PRKCH: variants seen among roughly 807,000 people sequenced by gnomAD.
PRKCH encodes the protein protein kinase C eta.
PRKCH carries 28 observed loss-of-function variants against 82.5 expected under a neutral mutation model. The observed-to-expected ratio is 0.34, with a 90% CI of 0.25 to 0.47. The LOEUF (loss-of-function observed/expected upper bound fraction) is 0.47, where lower values mean the gene tolerates loss of function less well. Ranked by LOEUF, PRKCH falls within the 20% of genes least tolerant of loss-of-function variation. The probability of loss-of-function intolerance (pLI) is 1.00; values close to 1 mark genes in which losing one functional copy is unlikely to be tolerated. For synonymous variants in PRKCH, 322 were observed against 327.4 expected (o/e 0.98, Z 0.18); for missense variants, 705 against 881.8 (o/e 0.80, Z 2.54).
Position 61,322,272 on chromosome 14 carries a change from C to G in PRKCH, c.171C>G (p.Thr57=), listed in dbSNP as rs755954492. ...TGGACCAGGTGCGCGTGGGCCAGAC[C>G]AGCACCAAGCAGAAGACCAACAAAC... is the stretch of plus-strand genomic sequence containing the variant. ...VSVDQVRVGQ[T]STKQKTNKPT... is the part of the protein sequence containing the mutation. Residue 57 remains threonine (T), a synonymous_variant, in exon 1 of 14, where the codon ACC becomes ACG. Transcript: ENST00000332981. 3.1e-6 allele frequency: 5 copies of G among 1,613,042 alleles called. No homozygotes were observed. Among genetic ancestry groups the G allele is most frequent in the Non-Finnish European group, 4.2e-6 (5 of 1,179,850 alleles).
chr14:61,238,106 A>G (rs2044806372), intron 1 of PRKCH, among the ~76,000 whole-genome samples: 1 of 152,250 alleles, frequency 6.6e-6, no homozygotes, highest in Non-Finnish European at 1.5e-5. Flanking sequence ...CTTTAGGCCA[A>G]ACTTAAACTA....
intron 1 of PRKCH, among the ~76,000 whole-genome samples, chr14:61,272,515 G>A (rs994192936): frequency 2.0e-4 from 30 of 151,622 alleles, no homozygotes; most frequent in Middle Eastern, 3.4e-3. Flanking sequence ...CACCACGGCC[G>A]GCTAGGTTTT....
intron 13 of PRKCH, 135 bp downstream of exon 13, chr14:61,548,021 T>A (rs1301359743): frequency 7.7e-6 from 9 of 1,166,244 alleles, no homozygotes; most frequent in Non-Finnish European, 1.1e-5. Flanking sequence ...CAGGGCAGCC[T>A]CCCCTGGGGG....
chr14:61,514,243 C>T (rs1035985557), intron 10 of PRKCH, among the ~76,000 whole-genome samples: 5 of 150,672 alleles, frequency 3.3e-5, no homozygotes, highest in African/African-American at 1.2e-4. Context: ...TCACTGTGTC[C>T]TGCAGTAGCC....
intron 2 of PRKCH, among the ~76,000 whole-genome samples, chr14:61,407,437 G>A (rs117015396): frequency 0.014 from 2,110 of 152,226 alleles, 35 homozygotes; most frequent in South Asian, 0.047. Context: ...AGAATTCATC[G>A]ACAAAGACTG....
At chr14:61,325,144 G>A (rs1325605967) in intron 1 of PRKCH, among the ~76,000 whole-genome samples, 1 of 152,228 alleles carries the variant, frequency 6.6e-6, no homozygotes, top group African/African-American at 2.4e-5. Flanking sequence ...GAAATGTAAA[G>A]TACTGAGACC....
intron 1 of PRKCH, among the ~76,000 whole-genome samples, chr14:61,243,084 GAA>G (rs11342939): frequency 6.6e-6 from 1 of 151,592 alleles, no homozygotes; most frequent in Non-Finnish European, 1.5e-5. Flanking sequence ...GAAGGCTTCT[GAA>G]AAAAAAAAAT....
intron 2 of PRKCH, among the ~76,000 whole-genome samples, chr14:61,404,309 C>A (rs1187178634): frequency 1.3e-5 from 2 of 152,122 alleles, no homozygotes; most frequent in African/African-American, 4.8e-5. Flanking sequence ...AAGAGACCAC[C>A]TTATATTTTG....
At chr14:61,446,477 A>G (rs1884231284) in intron 4 of PRKCH, among the ~76,000 whole-genome samples, 1 of 152,246 alleles carries the variant, frequency 6.6e-6, no homozygotes, top group African/African-American at 2.4e-5. Context: ...ATAGCACCAC[A>G]TATCCTAGAG....
At chr14:61,272,344 CTTTTTTTTTT>C (rs1162331604) in intron 1 of PRKCH, among the ~76,000 whole-genome samples, 1 of 23,582 alleles carries the variant, frequency 4.2e-5, no homozygotes, top group African/African-American at 1.3e-4. Flanking sequence ...TTTTTTCTTT[CTTTTTTTTTT>C]TTTTTTTTTT....
chr14:61,211,460 G>A (rs1034671346), intron 1 of PRKCH, among the ~76,000 whole-genome samples: 1 of 152,166 alleles, frequency 6.6e-6, no homozygotes, highest in African/African-American at 2.4e-5. Context: ...ACGTGTTCTT[G>A]TATAGCTTTT....
intron 1 of PRKCH, among the ~76,000 whole-genome samples, chr14:61,261,370 C>A (rs1325297917): frequency 6.6e-6 from 1 of 152,202 alleles, no homozygotes; most frequent in Non-Finnish European, 1.5e-5. Context: ...ATTGGGCAGG[C>A]ATTTCTCTTT....
chr14:61,320,848 CT>C (rs2140115417), upstream of PRKCH, among the ~76,000 whole-genome samples: 1 of 152,274 alleles, frequency 6.6e-6, no homozygotes, highest in African/African-American at 2.4e-5. Flanking sequence ...TGGGGACAGC[CT>C]GTGTGTGTGA....
chr14:61,401,730 C>T (rs917500019), intron 2 of PRKCH, among the ~76,000 whole-genome samples: 2 of 152,216 alleles, frequency 1.3e-5, no homozygotes, highest in Non-Finnish European at 2.9e-5. Flanking sequence ...TGACTATATA[C>T]CTTTGTAACA....
intron 9 of PRKCH, among the ~76,000 whole-genome samples, chr14:61,482,514 T>A (rs1353961394): frequency 6.6e-6 from 1 of 152,204 alleles, no homozygotes; most frequent in East Asian, 1.9e-4. Flanking sequence ...TGACGTTATT[T>A]GAGGTCTTTG....
intron 1 of PRKCH, among the ~76,000 whole-genome samples, chr14:61,315,905 G>A (rs983428677): frequency 1.6e-4 from 25 of 151,696 alleles, no homozygotes; most frequent in Non-Finnish European, 2.2e-4. Flanking sequence ...ATACCACCAC[G>A]CCCAGCTAAT....
At position 61,329,234 on chromosome 14, in the gene PRKCH, C is replaced by CT. The variant is rs71117812; in HGVS notation, c.363+6790dup. On this transcript the variant is annotated intron_variant, in intron 1 of 13. Transcript: ENST00000332981. ...ACTGCTCTTAGATAAACTCCTGAGTCTTTTTTTTTTTTTTTTTTTTGAGAC... is the reference window on the plus strand; with the variant it reads ...ACTGCTCTTAGATAAACTCCTGAGTCTTTTTTTTTTTTTTTTTTTTTGAGAC... Among the ~76,000 whole-genome samples, 213 of 63,442 alleles carry CT rather than the reference C, an allele frequency of 3.4e-3. 19 individuals are homozygous for CT. The highest frequency in any genetic ancestry group is 4.9e-3 in the African/African-American group (73 of 14,768). 41.6% of individuals were successfully genotyped at this position (63,442 alleles called of 152,430 possible). A position where few individuals can be genotyped will look rare whatever the true frequency, so the allele number is the denominator to read the frequency against.
At chr14:61,328,207 G>A (rs982019970) in intron 1 of PRKCH, among the ~76,000 whole-genome samples, 11 of 134,676 alleles carry the variant, frequency 8.2e-5, no homozygotes, top group African/African-American at 8.6e-5. Flanking sequence ...CCGAGATTGC[G>A]CCACTGCGGT....
chr14:61,428,930 A>G (rs1883261091), intron 2 of PRKCH, among the ~76,000 whole-genome samples: 1 of 152,132 alleles, frequency 6.6e-6, no homozygotes, highest in Non-Finnish European at 1.5e-5. Flanking sequence ...ATGTGTAACT[A>G]TAGTTTTTTC....
Sources: allele counts gnomAD v4.1 joint callset (sites outside exome capture counted in the v4.1 genomes callset), GRCh38; gene constraint gnomAD v4.1.1; transcripts MANE v1.5; gene names NCBI Gene and HGNC (gene_info 2026-07-23, HGNC 2026-07-21).